CELSR1: variants seen among roughly 807,000 people sequenced by gnomAD.
CELSR1 encodes adhesion G protein-coupled receptor C1.
A neutral mutation model predicts 249.1 loss-of-function variants in CELSR1; 110 were observed. That is an observed-to-expected ratio of 0.44 (90% confidence interval 0.38 to 0.52). The LOEUF (loss-of-function observed/expected upper bound fraction) is 0.52. Ranked by LOEUF, CELSR1 falls within the 20% of genes least tolerant of loss-of-function variation. The pLI, the probability that CELSR1 is intolerant of heterozygous loss-of-function variation, is 0.00. For missense variants in CELSR1, 4,109 were observed against 4,296.4 expected (o/e 0.96, Z 1.22); for synonymous variants, 2,113 against 1,900.0 (o/e 1.11, Z -2.92).
rs117763407 is a variant in CELSR1 at position 46,482,385 on chromosome 22, C to T, written c.3545-18040G>A. Among the ~76,000 whole-genome samples the T allele has an allele frequency of 9.8e-5, 15 of 152,300 alleles. 1 individual carries two copies. The highest frequency in any genetic ancestry group is 3.9e-4 in the East Asian group (2 of 5,172). ...GAAGGGCCATCAGCCAGAGCAGAAT[C>T]TGTTCTGCCTCCCTGGGTAGCTGGA... On this transcript the variant is annotated intron_variant, in intron 1 of 34. Transcript: ENST00000674500.
intron 5 of CELSR1, among the ~76,000 whole-genome samples, chr22:46,424,163 C>T (rs2079511894): frequency 6.6e-6 from 1 of 152,036 alleles, no homozygotes; most frequent in African/African-American, 2.4e-5. Flanking sequence ...ACCTTCCAGG[C>T]CCAAGTAATC....
chr22:46,364,322 G>T (rs2147152065), intron 33 of CELSR1, 71 bp from the exon 34 acceptor site: 2 of 1,571,314 alleles, frequency 1.3e-6, no homozygotes, highest in Non-Finnish European at 1.7e-6. Context: ...GCCGTGTGCA[G>T]CTGAGCCAGC....
At chr22:46,463,557 T>A in intron 2 of CELSR1, 150 bp downstream of exon 2, 2 of 659,102 alleles carry the variant, frequency 3.0e-6, no homozygotes, top group Non-Finnish European at 2.3e-6. Flanking sequence ...ACTGAGATCA[T>A]CTCAAGGTTC....
Position 46,535,686 on chromosome 22 carries a change from G to A in CELSR1, c.1485C>T (p.His495=). The A allele has an allele frequency of 1.9e-6, 3 of 1,613,066 alleles. No homozygotes were observed. The African/African-American group carries it at 4.0e-5, about 21-fold the overall frequency. ...CCACGTTCCCGCTGAGGATGCTGTA[G>A]TGAATGGCCGCGTTCTGGCCCTGGT... ...DRDQGQNAAI[H]YSILSGNVAG... The change falls in exon 1 of 35, where the codon CAC becomes CAT. Residue 495 remains histidine, a synonymous_variant. Coordinates refer to ENST00000674500, the MANE Select transcript of CELSR1 (RefSeq NM_001378328.1).
rs572188312 is a variant in CELSR1, at chr22:46,396,433, TAAA to T, written c.5843+169_5843+171del. Among the ~76,000 whole-genome samples the T allele has an allele frequency of 6.6e-6, 1 of 151,444 alleles. No homozygotes were observed. Among genetic ancestry groups the T allele is most frequent in the African/African-American group, 2.4e-5 (1 of 41,118 alleles). ...AAAAAAATAAAAATAAAATAAAAAT[TAAA>T]AAAAATTTGATTTTCACTTAATTCA... On this transcript the variant is annotated intron_variant, in intron 13 of 34. Coordinates refer to ENST00000674500, the MANE Select transcript of CELSR1 (RefSeq NM_001378328.1). The surrounding 1 kb of genome is among the most constrained non-coding windows in gnomAD (Gnocchi z 6.4).
chr22:46,423,206 C>T lies in CELSR1; in HGVS notation c.4611+10187G>A, dbSNP rs571485092. On this transcript the variant is annotated intron_variant, in intron 5 of 34. Transcript: ENST00000674500. This position sits in a 1 kb window ranked among gnomAD's most constrained non-coding sequence, Gnocchi z 5.6. ...GAGAGGCCCCAGCTGCCATGGCTAACGGCCAGGTCATATGAGTGAGGCCTT... is the reference window on the plus strand; with the variant it reads ...GAGAGGCCCCAGCTGCCATGGCTAATGGCCAGGTCATATGAGTGAGGCCTT... 5.8e-4 allele frequency among the ~76,000 whole-genome samples: 88 copies of T among 152,374 alleles called. 1 individual carries two copies. Among genetic ancestry groups the T allele is most frequent in the Admixed American group, 4.6e-3 (71 of 15,310 alleles).
Position 46,381,986 on chromosome 22 carries a change from G to A in CELSR1, c.6948C>T (p.Gly2316=), listed in dbSNP as rs2078983023. 6.4e-7 allele frequency: 1 copy of A among 1,565,404 alleles called. No individual in the cohort carries two copies. The highest frequency in any genetic ancestry group is 8.6e-7 in the Non-Finnish European group (1 of 1,157,462). Residue 2316 remains glycine (G), a synonymous_variant, in exon 21 of 35, where the codon GGC becomes GGT. Coordinates refer to ENST00000674500, the MANE Select transcript of CELSR1 (RefSeq NM_001378328.1). The surrounding 1 kb of genome is among the most constrained non-coding windows in gnomAD (Gnocchi z 6.0). ...TTPQTTRPGP[G]TEREAPISRR... Reference sequence around the variant, plus strand: ...TGCTGATCGGGGCCTCCCTCTCGGTGCCAGGCCCCGGGCGCGTGGTCTGCG... The same window carrying A: ...TGCTGATCGGGGCCTCCCTCTCGGTACCAGGCCCCGGGCGCGTGGTCTGCG...
At chr22:46,501,395 G>A (rs1241460230) in intron 1 of CELSR1, among the ~76,000 whole-genome samples, 1 of 151,832 alleles carries the variant, frequency 6.6e-6, no homozygotes, top group Non-Finnish European at 1.5e-5. Context: ...TAGTAGAGAC[G>A]AGGTTTCACC....
rs1228718277 is a variant in CELSR1, at chr22:46,396,092, G to A, written c.5843+513C>T. Among the ~76,000 whole-genome samples, 5 of 152,140 alleles carry A rather than the reference G, an allele frequency of 3.3e-5. No homozygotes were observed. The highest frequency in any genetic ancestry group is 2.9e-5 in the Non-Finnish European group (2 of 68,026). Reference sequence around the variant, plus strand: ...CAGGTGTGGACACATGATCCAATGGGGTTAGTTTGAGACGTCCAAATTGAT... The same window carrying A: ...CAGGTGTGGACACATGATCCAATGGAGTTAGTTTGAGACGTCCAAATTGAT... On this transcript the variant is annotated intron_variant, in intron 13 of 34. Transcript: ENST00000674500. The surrounding 1 kb of genome is among the most constrained non-coding windows in gnomAD (Gnocchi z 6.4).
At position 46,363,951 on chromosome 22, in the gene CELSR1, AG is replaced by A. The variant is rs1196753808; in HGVS notation, c.9035+44del. On this transcript the variant is annotated intron_variant, in intron 34 of 34. Transcript: ENST00000674500. The surrounding 1 kb of genome is among the most constrained non-coding windows in gnomAD (Gnocchi z 4.3). ...CCCCTCTCTCTCCTGACTCAGGACA[AG>A]GGGGAAGTGGGTGATCCCCGCCCTG... The A allele has an allele frequency of 2.6e-6, 4 of 1,528,296 alleles. No homozygotes were observed. Among genetic ancestry groups the A allele is most frequent in the African/African-American group, 2.8e-5 (2 of 71,472 alleles). The allele number at this position is 1,528,296 out of a possible 1,614,324, so 94.7% of individuals were successfully genotyped here.
At position 46,386,822 on chromosome 22, in the gene CELSR1, C is replaced by T. The variant is rs147277238; in HGVS notation, c.6556-237G>A. On this transcript the variant is annotated intron_variant, in intron 18 of 34. Transcript: ENST00000674500. The stretch of plus-strand genomic sequence containing the variant: ...AGGCTGGAATGCAGTGGTGTCATCT[C>T]GGCTCACTGCAACCTCCGCCTCCTG... 4.2e-3 allele frequency among the ~76,000 whole-genome samples: 640 copies of T among 152,258 alleles called. 4 individuals are homozygous for T. The highest frequency in any genetic ancestry group is 0.015 in the African/African-American group (615 of 41,554).
intron 23 of CELSR1, chr22:46,377,730 T>A: frequency 5.4e-6 from 1 of 186,826 alleles, no homozygotes; most frequent in South Asian, 1.1e-4. Context: ...GAGTGACATT[T>A]GCCCATGAGA....
intron 2 of CELSR1, among the ~76,000 whole-genome samples, chr22:46,456,661 TAAAAAAAAAAAAA>T (rs556357746): frequency 3.3e-5 from 2 of 60,270 alleles, no homozygotes; most frequent in African/African-American, 5.8e-5. Context: ...AGACTCTGTC[TAAAAAAAAAAAAA>T]AAAAAAAAAA....
At position 46,492,991 on chromosome 22, in the gene CELSR1, C is replaced by T. The variant is rs373857817; in HGVS notation, c.3545-28646G>A. 2.6e-5 allele frequency among the ~76,000 whole-genome samples: 4 copies of T among 152,298 alleles called. No homozygotes were observed. The East Asian group carries it at 5.8e-4, about 22-fold the overall frequency. On this transcript the variant is annotated intron_variant, in intron 1 of 34. Coordinates refer to ENST00000674500, the MANE Select transcript of CELSR1 (RefSeq NM_001378328.1). ...ACTAAACAAAGCACGTGTCTATAAT[C>T]CCAGTGCTTTGGGAAACCGAGATGG...
rs1282667601 is a variant in CELSR1 at position 46,429,467 on chromosome 22, G to A, written c.4611+3926C>T. On this transcript the variant is annotated intron_variant, in intron 5 of 34. Transcript: ENST00000674500. This position sits in a 1 kb window ranked among gnomAD's most constrained non-coding sequence, Gnocchi z 4.1. ...GCTGTGTTGTTCATCTGTGCTTGGC[G>A]GAGCGCCACACAAATGTACAAGTGC... is the stretch of plus-strand genomic sequence containing the variant. Among the ~76,000 whole-genome samples, 3 of 152,236 alleles carry A rather than the reference G, an allele frequency of 2.0e-5. No individual in the cohort carries two copies. Among genetic ancestry groups the A allele is most frequent in the African/African-American group, 7.2e-5 (3 of 41,460 alleles).
chr22:46,387,957 T>C (rs374551873), intron 18 of CELSR1, among the ~76,000 whole-genome samples: 3 of 152,254 alleles, frequency 2.0e-5, no homozygotes, highest in African/African-American at 4.8e-5. Context: ...GGACAGCTCC[T>C]CCGAGGGTGA....
chr22:46,408,903 G>C lies in CELSR1; in HGVS notation c.5226+93C>G. 9.5e-7 allele frequency: 1 copy of C among 1,051,236 alleles called. No homozygotes were observed. 65.1% of individuals were successfully genotyped at this position (1,051,236 alleles called of 1,614,324 possible). A position where few individuals can be genotyped will look rare whatever the true frequency, so the allele number is the denominator to read the frequency against. On this transcript the variant is annotated intron_variant, in intron 9 of 34. Coordinates refer to ENST00000674500, the MANE Select transcript of CELSR1 (RefSeq NM_001378328.1). This position sits in a 1 kb window ranked among gnomAD's most constrained non-coding sequence, Gnocchi z 4.6. The stretch of plus-strand genomic sequence containing the variant: ...GGCGCCGGAGGAAGGGCGAGTAGCA[G>C]GTGCCCGAGTGTGCACCAGGAAGCC...
rs2147587072 is a variant in CELSR1 at position 46,463,972 on chromosome 22, G to A, written c.3918C>T (p.Ile1306=). 6.2e-7 allele frequency: 1 copy of A among 1,613,994 alleles called. No homozygotes were observed. Among genetic ancestry groups the A allele is most frequent in the Non-Finnish European group, 8.5e-7 (1 of 1,180,030 alleles). The change falls in exon 2 of 35, where the codon ATC becomes ATT. Residue 1306 remains isoleucine, a synonymous_variant. Coordinates refer to ENST00000674500, the MANE Select transcript of CELSR1 (RefSeq NM_001378328.1). The stretch of plus-strand genomic sequence containing the variant: ...AGTTCTCGCAGGGCTCGCGCAGGCA[G>A]ATGTTGTCGTCGAAGGGCAGCACGC... ...TQRVLPFDDN[I]CLREPCENYM...
intron 1 of CELSR1, among the ~76,000 whole-genome samples, chr22:46,523,446 T>C (rs925764863): frequency 3.9e-5 from 6 of 151,956 alleles, no homozygotes; most frequent in African/African-American, 1.5e-4. Flanking sequence ...GAGAATCGCT[T>C]GAACTTGTGA....
Sources: allele counts gnomAD v4.1 joint callset (sites outside exome capture counted in the v4.1 genomes callset), GRCh38; gene constraint gnomAD v4.1.1; non-coding constraint Gnocchi (gnomAD v3.1); transcripts MANE v1.5; gene names NCBI Gene and HGNC (gene_info 2026-07-23, HGNC 2026-07-21).